ATP6V0B: variants seen among roughly 807,000 people sequenced by gnomAD.
The protein encoded by ATP6V0B is ATPase H+ transporting V0 subunit b.
A neutral mutation model predicts 26.2 loss-of-function variants in ATP6V0B; 4 were observed. The ratio of observed to expected loss-of-function variants is 0.15; its 90% CI spans 0.08 to 0.35. ATP6V0B has a LOEUF of 0.35. Ranked by LOEUF, ATP6V0B falls within the 10% of genes least tolerant of loss-of-function variation. The pLI, the probability that ATP6V0B is intolerant of heterozygous loss-of-function variation, is 1.00. For missense variants in ATP6V0B, 175 were observed against 272.5 expected (o/e 0.64, Z 2.52); for synonymous variants, 110 against 105.8 (o/e 1.04, Z -0.24).
rs372238517 is a variant in ATP6V0B, at chr1:43,976,254, G to A, written c.201-48G>A. On this transcript the variant is annotated intron_variant, in intron 3 of 7. Transcript: ENST00000472174. The surrounding 1 kb of genome is among the most constrained non-coding windows in gnomAD (Gnocchi z 4.6). ...CACTGGGGTCTTAGGCATGCTGAGGGCAGTGACAGCTTGGGCTCTGCTCAT... is the reference window on the plus strand; with the variant it reads ...CACTGGGGTCTTAGGCATGCTGAGGACAGTGACAGCTTGGGCTCTGCTCAT... 13 of 1,608,998 alleles carry A rather than the reference G, an allele frequency of 8.1e-6. No individual in the cohort carries two copies. The African/African-American group carries it at 1.5e-4, about 18-fold the overall frequency.
chr1:43,978,031 G>C lies in ATP6V0B; in HGVS notation c.*24G>C. 6.2e-7 allele frequency: 1 copy of C among 1,614,198 alleles called. No homozygotes were observed. Reference sequence around the variant, plus strand: ...AGATGATATGTGTGGGTGGGGCCGTGCCTCACTTTTATTTATTGCTGGTTT... The same window carrying C: ...AGATGATATGTGTGGGTGGGGCCGTCCCTCACTTTTATTTATTGCTGGTTT... On this transcript the variant is annotated 3_prime_UTR_variant, in exon 8 of 8. Transcript: ENST00000472174.
chr1:43,975,162 G>A (rs923683979), intron 1 of ATP6V0B, 55 bp downstream of exon 1: 210 of 1,400,246 alleles, frequency 1.5e-4, no homozygotes, highest in Non-Finnish European at 1.8e-4. Flanking sequence ...TGGCCGGGTC[G>A]GAACTCGGCG....
chr1:43,977,893 C>T lies in ATP6V0B; in HGVS notation c.592-88C>T, dbSNP rs546699197. On this transcript the variant is annotated intron_variant, in intron 7 of 7. Transcript: ENST00000472174. The stretch of plus-strand genomic sequence containing the variant: ...TATCTCTTGTGGTCTGTCCATCCAA[C>T]CATGTGCTAGATGTCATCTTCTATC... The T allele has an allele frequency of 4.3e-6, 7 of 1,613,866 alleles. No homozygotes were observed. The Admixed American group carries it at 1.0e-4, about 23-fold the overall frequency.
Position 43,976,835 on chromosome 1 carries a change from G to A in ATP6V0B, c.400+11G>A, listed in dbSNP as rs775055228. Reference sequence around the variant, plus strand: ...GGAACTACCATGCAGGTGGGTGGATGGGCGTATGAATGCAAAATGCTGGGA... The same window carrying A: ...GGAACTACCATGCAGGTGGGTGGATAGGCGTATGAATGCAAAATGCTGGGA... On this transcript the variant is annotated intron_variant, in intron 6 of 7. Transcript: ENST00000472174. The surrounding 1 kb of genome is among the most constrained non-coding windows in gnomAD (Gnocchi z 4.6). 15 of 1,614,170 alleles carry A rather than the reference G, an allele frequency of 9.3e-6. No homozygotes were observed. The highest frequency in any genetic ancestry group is 1.3e-5 in the Non-Finnish European group (15 of 1,179,998).
intron 2 of ATP6V0B, 24 bp downstream of exon 2, chr1:43,975,872 T>A (rs767338480): frequency 6.3e-7 from 1 of 1,576,808 alleles, no homozygotes; most frequent in East Asian, 2.3e-5. Context: ...GGGGGAGGAT[T>A]CCCCTTGAAG....
Position 43,974,969 on chromosome 1 carries a change from G to A in ATP6V0B, c.-72G>A, listed in dbSNP as rs1394019412. 142 of 1,164,758 alleles carry A rather than the reference G, an allele frequency of 1.2e-4. No individual in the cohort carries two copies. The highest frequency in any genetic ancestry group is 1.5e-4 in the Non-Finnish European group (141 of 915,896). 72.2% of individuals were successfully genotyped at this position (1,164,758 alleles called of 1,614,324 possible). The stretch of plus-strand genomic sequence containing the variant: ...TGCGGGGCGGGCGGACAGACTGCGG[G>A]ACGGACGGTGGACGCTGGGACGCGT... On this transcript the variant is annotated 5_prime_UTR_variant, in exon 1 of 8. Coordinates refer to ENST00000472174, the MANE Select transcript of ATP6V0B (RefSeq NM_004047.5).
At position 43,976,875 on chromosome 1, in the gene ATP6V0B, C is replaced by T. The variant is rs1477734311; in HGVS notation, c.400+51C>T. ...AAATGCTGGGACTTCATGCCTGCTTCCACTCTCCCCCATCCCAGCTTGGGC... is the reference window on the plus strand; with the variant it reads ...AAATGCTGGGACTTCATGCCTGCTTTCACTCTCCCCCATCCCAGCTTGGGC... On this transcript the variant is annotated intron_variant, in intron 6 of 7. Coordinates refer to ENST00000472174, the MANE Select transcript of ATP6V0B (RefSeq NM_004047.5). The surrounding 1 kb of genome is among the most constrained non-coding windows in gnomAD (Gnocchi z 4.6). The T allele has an allele frequency of 6.2e-7, 1 of 1,608,102 alleles. No homozygotes were observed. The highest frequency in any genetic ancestry group is 8.5e-7 in the Non-Finnish European group (1 of 1,174,868).
At position 43,976,530 on chromosome 1, in the gene ATP6V0B, G is replaced by T. The variant is rs762679268; in HGVS notation, c.279-60G>T. Reference sequence around the variant, plus strand: ...TGGGGACTTACTGGGCAGGAAGGACGGTTTCTTTCTCATTTCTTTCTCCTT... The same window carrying T: ...TGGGGACTTACTGGGCAGGAAGGACTGTTTCTTTCTCATTTCTTTCTCCTT... On this transcript the variant is annotated intron_variant, in intron 4 of 7. Coordinates refer to ENST00000472174, the MANE Select transcript of ATP6V0B (RefSeq NM_004047.5). This position sits in a 1 kb window ranked among gnomAD's most constrained non-coding sequence, Gnocchi z 4.6. 2 of 1,594,258 alleles carry T rather than the reference G, an allele frequency of 1.3e-6. No homozygotes were observed. Among genetic ancestry groups the T allele is most frequent in the Admixed American group, 1.7e-5 (1 of 59,908 alleles).
At chr1:43,977,596 C>G (rs1305050961) in intron 7 of ATP6V0B, 3 of 1,420,996 alleles carry the variant, frequency 2.1e-6, no homozygotes, top group Non-Finnish European at 2.7e-6. Flanking sequence ...TTGACTGTCT[C>G]TCGGAGCTAT....
chr1:43,975,930 C>G, intron 2 of ATP6V0B, 82 bp downstream of exon 2: 1 of 1,521,364 alleles, frequency 6.6e-7, no homozygotes, highest in South Asian at 1.2e-5. Context: ...AGTCCCTCCC[C>G]CACACCACTG....
Position 43,976,229 on chromosome 1 carries a change from C to T in ATP6V0B, c.200+56C>T. Reference sequence around the variant, plus strand: ...GGGGCTGAGTCATGGCAGGTGGTGTCACTGGGGTCTTAGGCATGCTGAGGG... The same window carrying T: ...GGGGCTGAGTCATGGCAGGTGGTGTTACTGGGGTCTTAGGCATGCTGAGGG... On this transcript the variant is annotated intron_variant, in intron 3 of 7. Transcript: ENST00000472174. This position sits in a 1 kb window ranked among gnomAD's most constrained non-coding sequence, Gnocchi z 4.6. 1 of 1,609,404 alleles carries T rather than the reference C, an allele frequency of 6.2e-7. No homozygotes were observed. Among genetic ancestry groups the T allele is most frequent in the Non-Finnish European group, 8.5e-7 (1 of 1,175,886 alleles).
In ATP6V0B at chr1:43,974,978, T is replaced by C. The variant is rs1038387915; in HGVS notation, c.-63T>C. The stretch of plus-strand genomic sequence containing the variant: ...GGCGGACAGACTGCGGGACGGACGG[T>C]GGACGCTGGGACGCGTTTGTAGCTC... On this transcript the variant is annotated 5_prime_UTR_variant, in exon 1 of 8. Coordinates refer to ENST00000472174, the MANE Select transcript of ATP6V0B (RefSeq NM_004047.5). 8 of 1,201,936 alleles carry C rather than the reference T, an allele frequency of 6.7e-6. No homozygotes were observed. In the South Asian group the frequency reaches 2.1e-4, roughly 32 times the overall value. The allele number at this position is 1,201,936 out of a possible 1,614,324, so 74.5% of individuals were successfully genotyped here.
intron 1 of ATP6V0B, chr1:43,975,426 G>A (rs2085507037): frequency 1.8e-6 from 1 of 546,450 alleles, no homozygotes; most frequent in African/African-American, 2.0e-5. Flanking sequence ...GTCACAAGCC[G>A]GCTGCTCCGG....
intron 1 of ATP6V0B, 156 bp downstream of exon 1, chr1:43,975,263 A>G (rs2085504682): frequency 1.0e-6 from 1 of 969,494 alleles, no homozygotes; most frequent in Admixed American, 2.4e-5. Context: ...TGACTCCGAC[A>G]AAGGAGACCC....
chr1:43,975,740 T>A, intron 1 of ATP6V0B, 60 bp from the exon 2 acceptor site: 1 of 1,583,372 alleles, frequency 6.3e-7, no homozygotes, highest in Non-Finnish European at 8.6e-7. Context: ...CTACTTTAGG[T>A]TGAAGAACTT....
At chr1:43,975,901 T>G in intron 2 of ATP6V0B, 53 bp downstream of exon 2, 1 of 1,541,550 alleles carries the variant, frequency 6.5e-7, no homozygotes, top group African/African-American at 1.4e-5. Flanking sequence ...CTGCAGCCTC[T>G]CTTCTTTTCT....
chr1:43,975,688 C>T (rs764667510), intron 1 of ATP6V0B, 112 bp from the exon 2 acceptor site: 9 of 1,230,698 alleles, frequency 7.3e-6, no homozygotes, highest in South Asian at 3.6e-5. Context: ...TGGGGGCAGC[C>T]TGAGGACGCC....
In ATP6V0B at chr1:43,977,910, T is replaced by C; in HGVS notation, c.592-71T>C. The stretch of plus-strand genomic sequence containing the variant: ...CCATCCAACCATGTGCTAGATGTCA[T>C]CTTCTATCATTTGTCACTGCCTTAC... On this transcript the variant is annotated intron_variant, in intron 7 of 7. Coordinates refer to ENST00000472174, the MANE Select transcript of ATP6V0B (RefSeq NM_004047.5). 2.5e-6 allele frequency: 4 copies of C among 1,614,192 alleles called. No individual in the cohort carries two copies. The Admixed American group carries it at 5.0e-5, about 20-fold the overall frequency.
Position 43,976,706 on chromosome 1 carries a change from A to G in ATP6V0B, c.348+47A>G, listed in dbSNP as rs773076922. ...GCGGGAATCCATTCCAGTGTGTTCT[A>G]CACATTCCTTAGAGATTGGATGGGG... On this transcript the variant is annotated intron_variant, in intron 5 of 7. Transcript: ENST00000472174. The surrounding 1 kb of genome is among the most constrained non-coding windows in gnomAD (Gnocchi z 4.6). The G allele has an allele frequency of 2.5e-6, 4 of 1,613,512 alleles. No individual in the cohort carries two copies. The highest frequency in any genetic ancestry group is 2.2e-5 in the South Asian group (2 of 91,042).
Sources: allele counts gnomAD v4.1 joint callset, GRCh38; gene constraint gnomAD v4.1.1; non-coding constraint Gnocchi (gnomAD v3.1); transcripts MANE v1.5; gene names NCBI Gene and HGNC (gene_info 2026-07-23, HGNC 2026-07-21).